The following RGS8 variants were observed in gnomAD, a reference collection of about 807,000 sequenced individuals.
RGS8 encodes the protein regulator of G-protein signaling 8.
RGS8 carries 8 observed loss-of-function variants against 21.7 expected under a neutral mutation model. The ratio of observed to expected loss-of-function variants is 0.37; its 90% CI spans 0.22 to 0.66. The LOEUF is 0.66. Ranked by LOEUF, RGS8 falls within the 30% of genes least tolerant of loss-of-function variation. The probability of loss-of-function intolerance (pLI) is 0.59; values close to 1 mark genes in which losing one functional copy is unlikely to be tolerated. For missense variants in RGS8, 157 were observed against 217.9 expected (o/e 0.72, Z 1.76); for synonymous variants, 80 against 83.6 (o/e 0.96, Z 0.24).
chr1:182,740,544 G>GTTTT, the RGS8 span, among the ~76,000 whole-genome samples: 7 of 103,316 alleles, frequency 6.8e-5, no homozygotes, highest in South Asian at 3.5e-4. Flanking sequence ...TTTTTTGTTT[G>GTTTT]TTTGTTTTTT....
the RGS8 span, among the ~76,000 whole-genome samples, chr1:182,749,829 A>G: frequency 6.6e-6 from 1 of 152,030 alleles, no homozygotes; most frequent in Admixed American, 6.6e-5. Context: ...TCACCCCATC[A>G]CCTAGGTATT....
At chr1:182,713,709 T>C in the RGS8 span, among the ~76,000 whole-genome samples, 9 of 152,190 alleles carry the variant, frequency 5.9e-5, no homozygotes, top group African/African-American at 2.2e-4. Context: ...CTAGCAATTG[T>C]TTAAATGCTC....
At chr1:182,660,597 C>G (rs921421076) in intron 5 of RGS8, among the ~76,000 whole-genome samples, 12 of 151,052 alleles carry the variant, frequency 7.9e-5, no homozygotes, top group Middle Eastern at 3.4e-3. Context: ...TATGTGGAAA[C>G]TGGGATTCAC....
At chr1:182,657,235 G>A (rs954980216) in intron 5 of RGS8, among the ~76,000 whole-genome samples, 1 of 152,044 alleles carries the variant, frequency 6.6e-6, no homozygotes, top group African/African-American at 2.4e-5. Context: ...TCCTCCCAGC[G>A]AGCTTTTCAT....
chr1:182,715,936 T>C, the RGS8 span, among the ~76,000 whole-genome samples: 29 of 152,286 alleles, frequency 1.9e-4, 1 homozygote, highest in Admixed American at 1.3e-4. Context: ...GGATAGGTTC[T>C]TTCATATCCA....
At chr1:182,681,113 G>A (rs142720508) in intron 1 of RGS8, among the ~76,000 whole-genome samples, 1 of 152,232 alleles carries the variant, frequency 6.6e-6, no homozygotes, top group Non-Finnish European at 1.5e-5. Context: ...GTCACAGGGA[G>A]AACATCAGAG....
chr1:182,659,295 A>C (rs923970641), intron 5 of RGS8, among the ~76,000 whole-genome samples: 2 of 152,238 alleles, frequency 1.3e-5, no homozygotes, highest in Non-Finnish European at 2.9e-5. Context: ...ATCTGCAACT[A>C]TTATAAGAAA....
intron 5 of RGS8, 130 bp downstream of exon 6, chr1:182,665,839 C>T (rs1271465388): frequency 4.5e-6 from 3 of 664,278 alleles, no homozygotes; most frequent in African/African-American, 1.8e-5. Flanking sequence ...GCAGGAGGCT[C>T]TGTGAGAGCG....
the RGS8 span, among the ~76,000 whole-genome samples, chr1:182,729,129 G>A: frequency 6.6e-6 from 1 of 152,142 alleles, no homozygotes; most frequent in Non-Finnish European, 1.5e-5. Flanking sequence ...TGAATTAGCT[G>A]GATTAAAAAA....
At chr1:182,713,656 CT>C in the RGS8 span, among the ~76,000 whole-genome samples, 1 of 152,160 alleles carries the variant, frequency 6.6e-6, no homozygotes, top group Non-Finnish European at 1.5e-5. Context: ...CCTCTCTCCC[CT>C]GTCCCCACTG....
chr1:182,709,749 T>A, the RGS8 span, among the ~76,000 whole-genome samples: 1,986 of 152,174 alleles, frequency 0.013, 42 homozygotes, highest in African/African-American at 0.046. Flanking sequence ...TTTTTTCAAC[T>A]CCCCCCACTG....
At chr1:182,667,569 G>A (rs980371652) in intron 3 of RGS8, among the ~76,000 whole-genome samples, 1 of 152,190 alleles carries the variant, frequency 6.6e-6, no homozygotes, top group Non-Finnish European at 1.5e-5. Flanking sequence ...GGTACAATCA[G>A]CAATTAAGAA....
chr1:182,701,641 A>C, the RGS8 span, among the ~76,000 whole-genome samples: 1 of 152,192 alleles, frequency 6.6e-6, no homozygotes, highest in African/African-American at 2.4e-5. Flanking sequence ...GCAGCCCTGT[A>C]TCCAGCCGCC....
downstream of RGS8, chr1:182,642,251 C>A (rs773040513): frequency 6.6e-6 from 1 of 152,280 alleles, no homozygotes; most frequent in Non-Finnish European, 1.5e-5. Flanking sequence ...CATCTCATGC[C>A]GAGTGGCATG....
chr1:182,732,218 C>T, the RGS8 span, among the ~76,000 whole-genome samples: 3 of 151,344 alleles, frequency 2.0e-5, no homozygotes, highest in African/African-American at 4.9e-5. Context: ...GCAGAACAAG[C>T]GCTCTCTCTC....
chr1:182,706,625 C>A, the RGS8 span, among the ~76,000 whole-genome samples: 1 of 151,904 alleles, frequency 6.6e-6, no homozygotes, highest in African/African-American at 2.4e-5. Context: ...TGCCACCACG[C>A]CTGGCTAATT....
At chr1:182,719,472 T>TG in the RGS8 span, among the ~76,000 whole-genome samples, 1 of 150,932 alleles carries the variant, frequency 6.6e-6, no homozygotes, top group Non-Finnish European at 1.5e-5. Context: ...TTTTTTTTTT[T>TG]TTTTAAGACA....
intron 4 of RGS8, among the ~76,000 whole-genome samples, chr1:182,666,416 G>A (rs1465881645): frequency 6.6e-6 from 1 of 152,208 alleles, no homozygotes; most frequent in Non-Finnish European, 1.5e-5. Context: ...CTGAAATGGG[G>A]ATAATGATGC....
At chr1:182,671,115 T>C (rs78830382) in intron 2 of RGS8, among the ~76,000 whole-genome samples, 1,648 of 152,284 alleles carry the variant, frequency 0.011, 41 homozygotes, top group African/African-American at 0.037. Flanking sequence ...TCTCTTCCCA[T>C]TCCACTGCCA....
Sources: allele counts gnomAD v4.1 joint callset (sites outside exome capture counted in the v4.1 genomes callset), GRCh38; gene constraint gnomAD v4.1.1; transcripts MANE v1.5; gene names NCBI Gene and HGNC (gene_info 2026-07-23, HGNC 2026-07-21).